DOCK1: variants seen among roughly 807,000 people sequenced by gnomAD.
DOCK1 encodes dedicator of cytokinesis protein 1.
In DOCK1, 138 loss-of-function variants were observed where a neutral mutation model predicts 262.7. The observed-to-expected ratio is 0.53, with a 90% CI of 0.46 to 0.61. DOCK1 has a LOEUF of 0.61. Among genes scored for constraint, DOCK1 ranks in the 20% least tolerant of loss-of-function variants. The probability of loss-of-function intolerance (pLI) is 0.00; values close to 1 mark genes in which losing one functional copy is unlikely to be tolerated. For missense variants in DOCK1, 1,908 were observed against 2,370.7 expected, an observed-to-expected ratio of 0.80 and a Z score of 4.05; for synonymous variants, 866 against 867.4, an observed-to-expected ratio of 1.00 and a Z score of 0.03.
At chr10:127,234,050 C>T (rs1446452259) in intron 27 of DOCK1, among the ~76,000 whole-genome samples, 1 of 152,148 alleles carries the variant, frequency 6.6e-6, no homozygotes, top group Non-Finnish European at 1.5e-5. Context: ...TGACATGATA[C>T]ATACAGTATA....
chr10:127,429,327 G>A lies in DOCK1; in HGVS notation c.4914+3316G>A, dbSNP rs559152666. Among the ~76,000 whole-genome samples, 25 of 152,196 alleles carry A rather than the reference G, an allele frequency of 1.6e-4. No individual in the cohort carries two copies. In the South Asian group the frequency reaches 5.2e-3, roughly 32 times the overall value. On this transcript the variant is annotated intron_variant, in intron 47 of 51. Coordinates refer to ENST00000623213, the MANE Select transcript of DOCK1 (RefSeq NM_001290223.2). Reference sequence around the variant, plus strand: ...TCCTTTGACCGCAACAGCAGGCTCTGCAAGCATCCTTTGAGAGTCAAGGGG... The same window carrying A: ...TCCTTTGACCGCAACAGCAGGCTCTACAAGCATCCTTTGAGAGTCAAGGGG...
intron 28 of DOCK1, among the ~76,000 whole-genome samples, chr10:127,250,030 C>G (rs762431659): frequency 6.6e-6 from 1 of 152,204 alleles, no homozygotes; most frequent in Middle Eastern, 3.4e-3. Flanking sequence ...ACATTTTATT[C>G]CATAATTGAA....
At chr10:127,212,410 G>A (rs1417794395) in intron 27 of DOCK1, among the ~76,000 whole-genome samples, 1 of 152,122 alleles carries the variant, frequency 6.6e-6, no homozygotes, top group Non-Finnish European at 1.5e-5. Context: ...CAAGCGTCGT[G>A]AGATCTAATC....
At chr10:127,051,571 A>G (rs11018323) in intron 21 of DOCK1, among the ~76,000 whole-genome samples, 1 of 152,114 alleles carries the variant, frequency 6.6e-6, no homozygotes, top group African/African-American at 2.4e-5. Context: ...AAATTCACCG[A>G]ATCATTTTAT....
intron 38 of DOCK1, among the ~76,000 whole-genome samples, chr10:127,396,951 G>C (rs1398809744): frequency 7.2e-4 from 95 of 131,992 alleles, no homozygotes; most frequent in East Asian, 4.9e-3. Flanking sequence ...ATCTGAGCAT[G>C]AGTTACACGG....
chr10:127,336,003 A>G (rs962537280), intron 29 of DOCK1, among the ~76,000 whole-genome samples: 1 of 151,074 alleles, frequency 6.6e-6, no homozygotes, highest in Non-Finnish European at 1.5e-5. Context: ...GGTGTGAGCC[A>G]CCATGCCCAG....
intron 29 of DOCK1, among the ~76,000 whole-genome samples, chr10:127,286,944 C>T (rs979814739): frequency 3.3e-5 from 5 of 150,002 alleles, no homozygotes; most frequent in East Asian, 2.0e-4. Flanking sequence ...GGCACAATCT[C>T]GGCTCACTGC....
At chr10:127,284,272 G>T (rs927847114) in intron 29 of DOCK1, among the ~76,000 whole-genome samples, 3 of 151,516 alleles carry the variant, frequency 2.0e-5, no homozygotes, top group Admixed American at 2.0e-4. Context: ...ATTCGGTTAG[G>T]TTTTTAAAAA....
At chr10:127,247,746 A>AC (rs938879358) in intron 27 of DOCK1, among the ~76,000 whole-genome samples, 6 of 151,804 alleles carry the variant, frequency 4.0e-5, no homozygotes, top group Non-Finnish European at 7.4e-5. Context: ...GCATTGTGAG[A>AC]CCCCCTCAAG....
chr10:127,442,274 C>G (rs570724042), intron 49 of DOCK1, among the ~76,000 whole-genome samples: 1 of 152,154 alleles, frequency 6.6e-6, no homozygotes, highest in East Asian at 1.9e-4. Flanking sequence ...CCTCCTGGGG[C>G]AGACATTGAA....
At chr10:127,180,406 T>G (rs992364386) in intron 27 of DOCK1, among the ~76,000 whole-genome samples, 6 of 152,212 alleles carry the variant, frequency 3.9e-5, no homozygotes, top group African/African-American at 1.4e-4. Flanking sequence ...TTCATAAAGT[T>G]TATTTTTCGT....
chr10:127,057,101 C>T (rs1282758246), intron 22 of DOCK1, among the ~76,000 whole-genome samples: 7 of 152,120 alleles, frequency 4.6e-5, no homozygotes, highest in African/African-American at 4.8e-5. Context: ...AAGAGCCCCA[C>T]GTCCCACACA....
chr10:127,220,014 CT>C (rs1469371197), intron 27 of DOCK1, among the ~76,000 whole-genome samples: 1 of 152,094 alleles, frequency 6.6e-6, no homozygotes, highest in East Asian at 1.9e-4. Flanking sequence ...ATCCTCCATC[CT>C]TCACAGAGTC....
At chr10:127,079,623 T>A (rs544151886) in intron 23 of DOCK1, among the ~76,000 whole-genome samples, 2 of 152,180 alleles carry the variant, frequency 1.3e-5, no homozygotes, top group Non-Finnish European at 2.9e-5. Context: ...GCACACCAGT[T>A]GTGTGATATG....
intron 23 of DOCK1, among the ~76,000 whole-genome samples, chr10:127,077,143 G>T (rs531205236): frequency 6.6e-6 from 1 of 151,986 alleles, no homozygotes; most frequent in Non-Finnish European, 1.5e-5. Context: ...GCCTGTAATC[G>T]CAGCACTTTG....
rs1474835494 is a variant in DOCK1, at chr10:126,951,107, GTGT to G, written c.47-19589_47-19587del. ...TTTAGTATTGATGATAGTGGTGGTA[GTGT>G]TGTTGGTAGTATTGTTGGTAGTGTT... is the stretch of plus-strand genomic sequence containing the variant. On this transcript the variant is annotated intron_variant, in intron 1 of 51. Transcript: ENST00000623213. Among the ~76,000 whole-genome samples, 81 of 152,084 alleles carry G rather than the reference GTGT, an allele frequency of 5.3e-4. 1 individual carries two copies. Among genetic ancestry groups the G allele is most frequent in the East Asian group, 3.7e-3 (19 of 5,176 alleles).
intron 22 of DOCK1, among the ~76,000 whole-genome samples, chr10:127,054,007 C>T (rs2044950255): frequency 6.6e-6 from 1 of 152,124 alleles, no homozygotes; most frequent in African/African-American, 2.4e-5. Context: ...AACCTGTGTC[C>T]CTCTGAATTA....
intron 31 of DOCK1, among the ~76,000 whole-genome samples, chr10:127,352,860 T>A (rs1425648633): frequency 6.6e-6 from 1 of 152,166 alleles, no homozygotes; most frequent in Admixed American, 6.5e-5. Flanking sequence ...CCCAAAGTGC[T>A]GGGATTACAG....
At chr10:127,186,854 AACAG>A (rs2056321941) in intron 27 of DOCK1, among the ~76,000 whole-genome samples, 1 of 152,014 alleles carries the variant, frequency 6.6e-6, no homozygotes, top group African/African-American at 2.4e-5. Flanking sequence ...TGCACAGACA[AACAG>A]ACACATGCAC....
Sources: gnomAD v4.1 joint callset for allele counts (sites outside exome capture counted in the v4.1 genomes callset) on GRCh38, gnomAD v4.1.1 for gene constraint, MANE v1.5 for transcripts, NCBI Gene and HGNC (gene_info 2026-07-23, HGNC 2026-07-21) for gene names.